SPATA13: variants seen among roughly 807,000 people sequenced by gnomAD.
The protein encoded by SPATA13 is spermatogenesis-associated protein 13.
SPATA13 carries 50 observed loss-of-function variants against 104.0 expected under a neutral mutation model. That is an observed-to-expected ratio of 0.48 (90% CI 0.38 to 0.61). SPATA13 has a LOEUF of 0.61. Among genes scored for constraint, SPATA13 ranks in the 20% least tolerant of loss-of-function variants. The probability of loss-of-function intolerance (pLI) is 0.00; values close to 1 mark genes in which losing one functional copy is unlikely to be tolerated. For synonymous variants in SPATA13, 606 were observed against 667.5 expected, an observed-to-expected ratio of 0.91 and a Z score of 1.42; for missense variants, 1,524 against 1,690.6, an observed-to-expected ratio of 0.90 and a Z score of 1.73.
Position 24,166,510 on chromosome 13 carries a change from C to G in SPATA13, c.-112+5578C>G, listed in dbSNP as rs988304963. Among the ~76,000 whole-genome samples the G allele has an allele frequency of 3.3e-5, 5 of 152,052 alleles. No individual in the cohort carries two copies. The South Asian group carries it at 8.3e-4, about 25-fold the overall frequency. ...GCTCCAGCTTGGTGACTTGAGGGAC[C>G]CTTGAACATCTGTATCACTATAGCC... is the stretch of plus-strand genomic sequence containing the variant. On this transcript the variant is annotated intron_variant, in intron 1 of 12. Coordinates refer to ENST00000382108, the MANE Select transcript of SPATA13 (RefSeq NM_001166271.3).
chr13:24,087,228 G>A (rs1879754903), intron 3 of SPATA13, among the ~76,000 whole-genome samples: 1 of 152,170 alleles, frequency 6.6e-6, no homozygotes, highest in African/African-American at 2.4e-5. Flanking sequence ...GGGCAGGGGT[G>A]AGGCCCCAAG....
At chr13:24,275,326 AG>A (rs1408339350) in intron 4 of SPATA13, among the ~76,000 whole-genome samples, 4 of 152,224 alleles carry the variant, frequency 2.6e-5, no homozygotes, top group Non-Finnish European at 4.4e-5. Context: ...CAGTGTTTCT[AG>A]GAGTGATGGT....
At chr13:24,267,273 C>G (rs1368459533) in intron 4 of SPATA13, among the ~76,000 whole-genome samples, 3 of 152,176 alleles carry the variant, frequency 2.0e-5, no homozygotes. Context: ...GGGGCCATAT[C>G]CAAGCTGGTG....
intron 3 of SPATA13, among the ~76,000 whole-genome samples, chr13:24,081,833 G>A (rs926139911): frequency 1.6e-4 from 25 of 152,182 alleles, no homozygotes; most frequent in African/African-American, 6.0e-4. Flanking sequence ...CTGTCCCCCT[G>A]GGTTAAACCC....
intron 3 of SPATA13, among the ~76,000 whole-genome samples, chr13:24,038,360 C>T (rs1040417610): frequency 2.0e-5 from 3 of 151,858 alleles, no homozygotes; most frequent in African/African-American, 7.3e-5. Context: ...TCCCTCTGTT[C>T]TATGTTTACA....
intron 3 of SPATA13, among the ~76,000 whole-genome samples, chr13:24,040,967 C>T (rs988337315): frequency 2.0e-5 from 3 of 152,168 alleles, no homozygotes; most frequent in East Asian, 1.9e-4. Context: ...TCAGGGGGAA[C>T]GAACAATGAG....
chr13:24,189,461 G>A (rs1001879158), intron 1 of SPATA13, among the ~76,000 whole-genome samples: 1 of 132,238 alleles, frequency 7.6e-6, no homozygotes, highest in Non-Finnish European at 1.6e-5. Context: ...GTGACAGAGC[G>A]AGACTCCATC....
At chr13:24,280,329 C>A (rs2047449693) in intron 4 of SPATA13, among the ~76,000 whole-genome samples, 2 of 152,178 alleles carry the variant, frequency 1.3e-5, no homozygotes, top group South Asian at 4.1e-4. Flanking sequence ...ATGATTACAA[C>A]CAGCTTTTTT....
At chr13:24,105,705 T>TC (rs1352442240) in intron 3 of SPATA13, among the ~76,000 whole-genome samples, 2 of 152,186 alleles carry the variant, frequency 1.3e-5, no homozygotes, top group East Asian at 3.9e-4. Context: ...CCCCTAACAT[T>TC]CATAGGTCAA....
chr13:24,000,561 A>G (rs1013312342), intron 2 of SPATA13, among the ~76,000 whole-genome samples: 3 of 152,186 alleles, frequency 2.0e-5, no homozygotes, highest in Non-Finnish European at 2.9e-5. Flanking sequence ...CGGCAACAAC[A>G]TAAGATGTTT....
At chr13:24,035,013 A>C (rs1474354913) in intron 3 of SPATA13, 2 of 152,246 alleles carry the variant, frequency 1.3e-5, no homozygotes, top group Non-Finnish European at 2.9e-5. Context: ...CCAAGAAATA[A>C]AGCTCTACAT....
intron 1 of SPATA13, among the ~76,000 whole-genome samples, chr13:24,202,548 T>C (rs1312343428): frequency 2.9e-5 from 4 of 136,446 alleles, no homozygotes; most frequent in Non-Finnish European, 6.2e-5. Flanking sequence ...TTTTTTAGCT[T>C]CACTTGTACT....
At chr13:24,284,717 A>G (rs761403253) in intron 5 of SPATA13, among the ~76,000 whole-genome samples, 2 of 152,250 alleles carry the variant, frequency 1.3e-5, no homozygotes, top group East Asian at 1.9e-4. Context: ...AGGAAAATAT[A>G]TGGGATTAAG....
intron 4 of SPATA13, among the ~76,000 whole-genome samples, chr13:24,281,545 A>G (rs9551089): frequency 0.29 from 44,491 of 152,090 alleles, 6,832 homozygotes; most frequent in East Asian, 0.49. Context: ...CCATGCCTCA[A>G]TGTGGCGTGT....
rs545513655 is a variant in SPATA13 at position 24,209,154 on chromosome 13, T to C, written c.-111-13665T>C. Among the ~76,000 whole-genome samples, 22 of 152,192 alleles carry C rather than the reference T, an allele frequency of 1.4e-4. No individual in the cohort carries two copies. The South Asian group carries it at 4.4e-3, about 30-fold the overall frequency. On this transcript the variant is annotated intron_variant, in intron 1 of 12. Transcript: ENST00000382108. ...GCCTCTGGCTTAGGTGCCCAAGAAC[T>C]GTACTCAGGACAAGCCGATTTCAGG...
intron 1 of SPATA13, among the ~76,000 whole-genome samples, chr13:24,207,274 C>T (rs1463265502): frequency 6.6e-6 from 1 of 152,166 alleles, no homozygotes; most frequent in Non-Finnish European, 1.5e-5. Flanking sequence ...GGATGCTGGG[C>T]TTAATACCGA....
rs137982173 is a variant in SPATA13 at position 24,087,900 on chromosome 13, A to G, written c.-112+70199A>G. Among the ~76,000 whole-genome samples the G allele has an allele frequency of 2.4e-3, 370 of 152,338 alleles. 1 individual carries two copies. The highest frequency in any genetic ancestry group is 8.5e-3 in the African/African-American group (352 of 41,582). The stretch of plus-strand genomic sequence containing the variant: ...ACCAGACACTCCTGGTCCCACCGGT[A>G]GTCTTGCCCATTGCTCACTGGCTGC... On this transcript the variant is annotated intron_variant, in intron 3 of 14. Coordinates refer to the SPATA13 transcript ENST00000424834.
chr13:24,089,231 G>A (rs914782515), intron 3 of SPATA13, among the ~76,000 whole-genome samples: 2 of 152,100 alleles, frequency 1.3e-5, no homozygotes, highest in East Asian at 1.9e-4. Flanking sequence ...TGCCCATGCC[G>A]GCCAGCCTCT....
intron 2 of SPATA13, among the ~76,000 whole-genome samples, chr13:24,228,204 C>T (rs1487758846): frequency 6.7e-6 from 1 of 150,226 alleles, no homozygotes; most frequent in African/African-American, 2.5e-5. Flanking sequence ...AGCTCCACCT[C>T]CCGGGTTCAC....
Sources: allele counts gnomAD v4.1 joint callset (sites outside exome capture counted in the v4.1 genomes callset), GRCh38; gene constraint gnomAD v4.1.1; transcripts MANE v1.5; gene names NCBI Gene and HGNC (gene_info 2026-07-23, HGNC 2026-07-21).